Variants in RALGPS1 observed in about 807,000 individuals in gnomAD.
RALGPS1 encodes ras-specific guanine nucleotide-releasing factor RalGPS1.
In RALGPS1, 19 loss-of-function variants were observed where a neutral mutation model predicts 78.8. The ratio of observed to expected loss-of-function variants is 0.24; its 90% CI spans 0.17 to 0.35. RALGPS1 has a LOEUF of 0.35. Among genes scored for constraint, RALGPS1 ranks in the 10% least tolerant of loss-of-function variants. RALGPS1 has a pLI of 1.00. For synonymous variants in RALGPS1, 228 were observed against 256.3 expected (o/e 0.89, Z 1.06); for missense variants, 454 against 688.3 (o/e 0.66, Z 3.81).
At chr9:126,948,022 T>C (rs2037445552) in intron 1 of RALGPS1, among the ~76,000 whole-genome samples, 6 of 152,166 alleles carry the variant, frequency 3.9e-5, no homozygotes, top group Admixed American at 3.9e-4. Flanking sequence ...TTTCCCTTTA[T>C]ATTTATATCC....
At chr9:126,942,083 C>T (rs565975286) in intron 1 of RALGPS1, among the ~76,000 whole-genome samples, 1 of 152,348 alleles carries the variant, frequency 6.6e-6, no homozygotes, top group African/African-American at 2.4e-5. Context: ...ACCCCCTGTT[C>T]AGGTCCACCC....
At chr9:126,989,976 AAC>A in intron 4 of RALGPS1, 4 of 1,550,522 alleles carry the variant, frequency 2.6e-6, no homozygotes, top group Non-Finnish European at 3.5e-6. Context: ...AGTTCAGGAA[AAC>A]ACTGCCTGTG....
At chr9:126,990,905 A>G (rs1482477398) in intron 4 of RALGPS1, among the ~76,000 whole-genome samples, 1 of 152,196 alleles carries the variant, frequency 6.6e-6, no homozygotes, top group Non-Finnish European at 1.5e-5. Context: ...TTTAGGATGT[A>G]GCAGTAGTAA....
intron 8 of RALGPS1, among the ~76,000 whole-genome samples, chr9:127,102,026 A>G (rs771888258): frequency 9.2e-5 from 14 of 152,116 alleles, no homozygotes; most frequent in Non-Finnish European, 1.9e-4. Context: ...GACCAGATTC[A>G]TGCCAGGGAG....
rs1167401329 is a variant in RALGPS1, at chr9:127,219,995, G to A, written c.*1226G>A. ...GTGAACGGTCCAACCTCTGCATTCA[G>A]TTAGGAGCTCTTCACATGAATCACA... On this transcript the variant is annotated 3_prime_UTR_variant, in exon 19 of 19. Coordinates refer to ENST00000259351, the MANE Select transcript of RALGPS1 (RefSeq NM_014636.3). The surrounding 1 kb of genome is among the most constrained non-coding windows in gnomAD (Gnocchi z 5.0). 1 of 152,690 alleles carries A rather than the reference G, an allele frequency of 6.5e-6. No homozygotes were observed. The highest frequency in any genetic ancestry group is 1.5e-5 in the Non-Finnish European group (1 of 68,046). 9.5% of individuals were successfully genotyped at this position (152,690 alleles called of 1,614,324 possible). A position where few individuals can be genotyped will look rare whatever the true frequency, so the allele number is the denominator to read the frequency against.
intron 1 of RALGPS1, among the ~76,000 whole-genome samples, chr9:126,934,818 C>T (rs1272794114): frequency 6.6e-6 from 1 of 152,156 alleles, no homozygotes; most frequent in Non-Finnish European, 1.5e-5. Context: ...GTCCCTGTAC[C>T]TACCCAGAAG....
At chr9:126,937,411 G>A (rs2036364728) in intron 1 of RALGPS1, among the ~76,000 whole-genome samples, 1 of 152,170 alleles carries the variant, frequency 6.6e-6, no homozygotes, top group Admixed American at 6.5e-5. Flanking sequence ...TGTTACAGAA[G>A]GAGAGATAAG....
intron 18 of RALGPS1, chr9:127,216,301 A>G (rs2062575231): frequency 6.6e-6 from 1 of 152,264 alleles, no homozygotes; most frequent in Non-Finnish European, 1.5e-5. Context: ...CAAGACCAAT[A>G]CAAGAATAAA....
chr9:127,049,514 G>A (rs942429914), intron 5 of RALGPS1, among the ~76,000 whole-genome samples: 1 of 152,162 alleles, frequency 6.6e-6, no homozygotes, highest in Non-Finnish European at 1.5e-5. Context: ...TACATTATGG[G>A]ATGGGCCTCT....
At chr9:127,026,630 T>C (rs2045985443) in intron 4 of RALGPS1, among the ~76,000 whole-genome samples, 1 of 152,262 alleles carries the variant, frequency 6.6e-6, no homozygotes, top group Non-Finnish European at 1.5e-5. Context: ...TTTTGTTTCT[T>C]TTTCTTCCAA....
At chr9:127,018,705 T>C (rs1406471041) in intron 4 of RALGPS1, among the ~76,000 whole-genome samples, 1 of 151,558 alleles carries the variant, frequency 6.6e-6, no homozygotes, top group Non-Finnish European at 1.5e-5. Context: ...AGCAAATACA[T>C]AAACCAGTAA....
At chr9:127,190,726 C>T (rs910224541) in intron 11 of RALGPS1, among the ~76,000 whole-genome samples, 8 of 152,114 alleles carry the variant, frequency 5.3e-5, no homozygotes, top group Admixed American at 1.3e-4. Flanking sequence ...TGTGGCTCCT[C>T]GTGTATATAT....
At chr9:127,078,563 TG>T (rs2050887617) in intron 8 of RALGPS1, among the ~76,000 whole-genome samples, 1 of 152,136 alleles carries the variant, frequency 6.6e-6, no homozygotes, top group South Asian at 2.1e-4. Context: ...GGAAAACATG[TG>T]GGGGCCAAGA....
intron 11 of RALGPS1, among the ~76,000 whole-genome samples, chr9:127,191,700 G>GC (rs1554868027): frequency 0.032 from 4,033 of 125,490 alleles, 213 homozygotes; most frequent in African/African-American, 0.11. Context: ...GTTTTTTTTT[G>GC]TTTTTTTTTT....
intron 5 of RALGPS1, among the ~76,000 whole-genome samples, chr9:127,041,670 C>T (rs1016858135): frequency 2.0e-5 from 3 of 152,104 alleles, no homozygotes; most frequent in Non-Finnish European, 4.4e-5. Flanking sequence ...GTAAGTATTA[C>T]AGTGACTAGA....
rs143493555 is a variant in RALGPS1, at chr9:126,994,290, T to C, written c.216+16545T>C. 9.1e-3 allele frequency among the ~76,000 whole-genome samples: 1,381 copies of C among 151,680 alleles called. 25 individuals are homozygous for C. Among genetic ancestry groups the C allele is most frequent in the African/African-American group, 0.032 (1,314 of 41,438 alleles). The stretch of plus-strand genomic sequence containing the variant: ...AAGTTAAAAGCTTTGAAAAAAAAAT[T>C]AGTTGAATGGATAACTAGAATAACC... On this transcript the variant is annotated intron_variant, in intron 4 of 18. Transcript: ENST00000259351.
chr9:126,969,237 G>A (rs947901414), intron 3 of RALGPS1, among the ~76,000 whole-genome samples: 9 of 152,164 alleles, frequency 5.9e-5, no homozygotes, highest in Admixed American at 5.9e-4. Flanking sequence ...TCCGATGTGT[G>A]TGTATGTAAG....
intron 8 of RALGPS1, among the ~76,000 whole-genome samples, chr9:127,085,054 T>A (rs2051564944): frequency 6.6e-6 from 1 of 152,192 alleles, no homozygotes; most frequent in African/African-American, 2.4e-5. Context: ...ACCATTGTTT[T>A]CAGTAATGTG....
intron 1 of RALGPS1, among the ~76,000 whole-genome samples, chr9:126,940,441 A>ATTTTTT (rs56123533): frequency 7.4e-6 from 1 of 134,812 alleles, no homozygotes; most frequent in East Asian, 2.2e-4. Flanking sequence ...TATATATATA[A>ATTTTTT]TTTTTTTTTT....
Sources: gnomAD v4.1 joint callset for allele counts (sites outside exome capture counted in the v4.1 genomes callset) on GRCh38, gnomAD v4.1.1 for gene constraint, Gnocchi (gnomAD v3.1) non-coding constraint, MANE v1.5 for transcripts, NCBI Gene and HGNC (gene_info 2026-07-23, HGNC 2026-07-21) for gene names.